BMP6: variants seen among roughly 807,000 people sequenced by gnomAD.
BMP6 encodes the protein bone morphogenetic protein 6.
BMP6 carries 17 observed loss-of-function variants against 54.1 expected under a neutral mutation model. That is an observed-to-expected ratio of 0.31 (90% CI 0.22 to 0.47). BMP6 has a LOEUF of 0.47. BMP6 is among the 20% of genes least tolerant of loss of function. BMP6 has a pLI of 1.00. For missense variants in BMP6, 720 were observed against 690.4 expected (o/e 1.04, Z -0.48); for synonymous variants, 328 against 291.2 (o/e 1.13, Z -1.28).
chr6:7,839,070 A>C (rs1284844603), intron 1 of BMP6, among the ~76,000 whole-genome samples: 1 of 152,206 alleles, frequency 6.6e-6, no homozygotes, highest in East Asian at 1.9e-4. Flanking sequence ...GAGGTAGAAT[A>C]ATCAAGTGTC....
At chr6:7,798,406 C>T (rs1307296486) in intron 1 of BMP6, among the ~76,000 whole-genome samples, 2 of 152,222 alleles carry the variant, frequency 1.3e-5, no homozygotes. Context: ...TCCCTGTTCG[C>T]AGTCATGCAG....
At chr6:7,745,328 C>T (rs1169609572) in intron 1 of BMP6, among the ~76,000 whole-genome samples, 1 of 152,184 alleles carries the variant, frequency 6.6e-6, no homozygotes, top group Admixed American at 6.5e-5. Context: ...GGCTGGAGTG[C>T]AGTGGTGCAA....
chr6:7,728,411 G>A (rs1407195167), intron 1 of BMP6, among the ~76,000 whole-genome samples: 1 of 152,184 alleles, frequency 6.6e-6, no homozygotes, highest in Non-Finnish European at 1.5e-5. Flanking sequence ...CCTCTGAACC[G>A]GTTGCCAGGC....
At chr6:7,740,140 G>A (rs1189725059) in intron 1 of BMP6, among the ~76,000 whole-genome samples, 1 of 152,164 alleles carries the variant, frequency 6.6e-6, no homozygotes, top group African/African-American at 2.4e-5. Flanking sequence ...ATGATGGGCA[G>A]GTACCAGGCT....
At chr6:7,773,018 G>A (rs146379750) in intron 1 of BMP6, among the ~76,000 whole-genome samples, 287 of 152,260 alleles carry the variant, frequency 1.9e-3, no homozygotes, top group Middle Eastern at 3.4e-3. Flanking sequence ...CTTATTTCCA[G>A]AGTCTTGGAG....
chr6:7,789,639 T>C (rs993367128), intron 1 of BMP6, among the ~76,000 whole-genome samples: 3 of 151,606 alleles, frequency 2.0e-5, no homozygotes, highest in Admixed American at 1.3e-4. Flanking sequence ...GGAGAGGGGG[T>C]CACTTGCTCC....
chr6:7,801,541 C>T, intron 1 of BMP6, among the ~76,000 whole-genome samples: 1 of 152,214 alleles, frequency 6.6e-6, no homozygotes, highest in East Asian at 1.9e-4. Flanking sequence ...AGTCACGTTT[C>T]ATCCACAGGC....
chr6:7,839,256 C>A (rs1758926108), intron 1 of BMP6, among the ~76,000 whole-genome samples: 1 of 152,220 alleles, frequency 6.6e-6, no homozygotes, highest in African/African-American at 2.4e-5. Flanking sequence ...CCTCACACTC[C>A]TGGGCTCAAG....
At chr6:7,862,220 A>G in intron 3 of BMP6, 81 bp from the exon 4 acceptor site, 1 of 1,479,026 alleles carries the variant, frequency 6.8e-7, no homozygotes, top group Non-Finnish European at 9.4e-7. Context: ...TTAGGAAACT[A>G]GGAAGTATCC....
At chr6:7,832,338 C>G (rs1047590271) in intron 1 of BMP6, among the ~76,000 whole-genome samples, 3 of 152,170 alleles carry the variant, frequency 2.0e-5, no homozygotes, top group African/African-American at 7.2e-5. Flanking sequence ...TGATTAAGCC[C>G]TCATGAATGA....
chr6:7,754,922 G>A (rs1304390655), intron 1 of BMP6, among the ~76,000 whole-genome samples: 2 of 152,044 alleles, frequency 1.3e-5, no homozygotes, highest in Non-Finnish European at 1.5e-5. Flanking sequence ...GTTTCACCGT[G>A]TTCTCCAGGA....
chr6:7,733,371 A>G (rs1224432596), intron 1 of BMP6, among the ~76,000 whole-genome samples: 1 of 152,152 alleles, frequency 6.6e-6, no homozygotes, highest in Non-Finnish European at 1.5e-5. Context: ...TAATTAGACA[A>G]TTTTGTTTTT....
intron 1 of BMP6, among the ~76,000 whole-genome samples, chr6:7,821,781 G>T (rs56098432): frequency 0.16 from 23,999 of 152,142 alleles, 2,226 homozygotes; most frequent in African/African-American, 0.25. Flanking sequence ...TTGGCTTACT[G>T]TCAGGAGTCA....
At chr6:7,808,087 A>AT (rs1417063822) in intron 1 of BMP6, among the ~76,000 whole-genome samples, 2 of 151,574 alleles carry the variant, frequency 1.3e-5, no homozygotes, top group African/African-American at 2.4e-5. Flanking sequence ...CACCCGGCTA[A>AT]TTTTTTGTGT....
At chr6:7,733,691 CTTTA>C (rs757045824) in intron 1 of BMP6, among the ~76,000 whole-genome samples, 4 of 152,208 alleles carry the variant, frequency 2.6e-5, no homozygotes, top group Non-Finnish European at 4.4e-5. Context: ...GCGGAGTTAA[CTTTA>C]TTCAAATACA....
At chr6:7,841,357 C>T (rs267189) in intron 1 of BMP6, among the ~76,000 whole-genome samples, 3 of 152,302 alleles carry the variant, frequency 2.0e-5, no homozygotes, top group South Asian at 2.1e-4. Context: ...CTCCCTTTCT[C>T]TCCCATTCAT....
intron 1 of BMP6, among the ~76,000 whole-genome samples, chr6:7,808,379 A>G (rs1250559024): frequency 6.6e-6 from 1 of 152,190 alleles, no homozygotes; most frequent in African/African-American, 2.4e-5. Flanking sequence ...CACTCATTTC[A>G]TTTACCAGAA....
intron 4 of BMP6, among the ~76,000 whole-genome samples, chr6:7,872,293 T>TAAA (rs3837027): frequency 7.2e-6 from 1 of 139,840 alleles, no homozygotes; most frequent in Non-Finnish European, 1.6e-5. Context: ...TCAATCTGTT[T>TAAA]AAAAAAAAAA....
chr6:7,750,883 A>G (rs954187923), intron 1 of BMP6, among the ~76,000 whole-genome samples: 2 of 152,144 alleles, frequency 1.3e-5, no homozygotes, highest in Admixed American at 6.6e-5. Context: ...TTGAGCTGTA[A>G]TTCTGCCCAC....
Sources: gnomAD v4.1 joint callset for allele counts (sites outside exome capture counted in the v4.1 genomes callset) on GRCh38, gnomAD v4.1.1 for gene constraint, MANE v1.5 for transcripts, NCBI Gene and HGNC (gene_info 2026-07-23, HGNC 2026-07-21) for gene names.